The following AAK1 variants were observed in gnomAD, a reference collection of about 807,000 sequenced individuals.
The protein encoded by AAK1 is AP2 associated kinase 1.
AAK1 carries 37 observed loss-of-function variants against 116.0 expected under a neutral mutation model. The observed-to-expected ratio is 0.32, with a 90% CI of 0.25 to 0.42. The LOEUF is 0.42. Ranked by LOEUF, AAK1 falls within the 10% of genes least tolerant of loss-of-function variation. AAK1 has a pLI of 1.00. For missense variants in AAK1, 919 were observed against 1,170.6 expected, an observed-to-expected ratio of 0.79 and a Z score of 3.14; for synonymous variants, 458 against 439.9, an observed-to-expected ratio of 1.04 and a Z score of -0.51.
intron 17 of AAK1, among the ~76,000 whole-genome samples, chr2:69,485,328 CT>C (rs1558899663): frequency 2.0e-5 from 3 of 152,218 alleles, no homozygotes; most frequent in Non-Finnish European, 4.4e-5. Context: ...ATTCTAGCCT[CT>C]CTGGTGACAT....
chr2:69,591,634 A>C (rs1234414925), intron 2 of AAK1, among the ~76,000 whole-genome samples: 2 of 147,532 alleles, frequency 1.4e-5, no homozygotes, highest in Non-Finnish European at 3.0e-5. Flanking sequence ...GCAGTGGCGC[A>C]ATCTCGGCTC....
intron 2 of AAK1, among the ~76,000 whole-genome samples, chr2:69,560,189 T>C (rs1369413135): frequency 1.3e-5 from 2 of 152,248 alleles, no homozygotes; most frequent in African/African-American, 4.8e-5. Context: ...TGTTGGTCAC[T>C]ATCACTGTGT....
chr2:69,509,490 A>C (rs1361257091), intron 13 of AAK1, 30 bp from the exon 14 acceptor site: 1 of 1,540,930 alleles, frequency 6.5e-7, no homozygotes, highest in East Asian at 2.3e-5. Context: ...AAAGTGTTTC[A>C]TTAAATTAAA....
At position 69,518,983 on chromosome 2, in the gene AAK1, A is replaced by G. The variant is rs2104994480; in HGVS notation, c.1468T>C (p.Tyr490His). ...TGAGTCTGGGCCTGCTGCTGCTGGTAAAACGTGCCTGCCGGCTGCTGCTGT... is the reference window on the plus strand; with the variant it reads ...TGAGTCTGGGCCTGCTGCTGCTGGTGAAACGTGCCTGCCGGCTGCTGCTGT... ...PAQQQPAGTF[Y>H]QQQQAQTQQF... is the part of the protein sequence containing the mutation. Residue 490 changes from tyrosine to histidine, a missense_variant, in exon 12 of 22, where the codon TAC (tyrosine) becomes CAC (histidine). Transcript: ENST00000409085. The G allele has an allele frequency of 5.8e-6, 9 of 1,549,424 alleles. No homozygotes were observed. Among genetic ancestry groups the G allele is most frequent in the Middle Eastern group, 2.1e-4 (1 of 4,682 alleles).
chr2:69,569,158 C>T lies in AAK1; in HGVS notation c.164-12180G>A, dbSNP rs547379228. Among the ~76,000 whole-genome samples, 12 of 152,286 alleles carry T rather than the reference C, an allele frequency of 7.9e-5. No homozygotes were observed. In the South Asian group the frequency reaches 2.3e-3, roughly 29 times the overall value. On this transcript the variant is annotated intron_variant, in intron 2 of 21. Transcript: ENST00000409085. Reference sequence around the variant, plus strand: ...TCTTAAAAGCATTCATTAGTCCCTTCGAGCCAGAGGAAAGTCCAAATTCCT... The same window carrying T: ...TCTTAAAAGCATTCATTAGTCCCTTTGAGCCAGAGGAAAGTCCAAATTCCT...
Position 69,465,373 on chromosome 2 carries a change from C to A in AAK1, c.*10496G>T. The A allele has an allele frequency of 8.3e-7, 1 of 1,209,688 alleles. No homozygotes were observed. 74.9% of individuals were successfully genotyped at this position (1,209,688 alleles called of 1,614,324 possible). ...GAAGGCTAAGCTGGGAGTGCCATGG[C>A]GGGTATTGAGGGTGGGATAGAGACA... On this transcript the variant is annotated 3_prime_UTR_variant, in exon 22 of 22. Transcript: ENST00000409085.
chr2:69,562,895 CA>C (rs1671706541), intron 2 of AAK1, among the ~76,000 whole-genome samples: 2 of 151,382 alleles, frequency 1.3e-5, no homozygotes, highest in Non-Finnish European at 2.9e-5. Flanking sequence ...ATCTCAAAAA[CA>C]AAACAAATAA....
At chr2:69,591,450 T>G (rs1673019667) in intron 2 of AAK1, among the ~76,000 whole-genome samples, 1 of 151,942 alleles carries the variant, frequency 6.6e-6, no homozygotes, top group Non-Finnish European at 1.5e-5. Context: ...CATAAAAGAC[T>G]CATAAATCAC....
rs1674746058 is a variant in AAK1, at chr2:69,473,425, A to G, written c.*2444T>C. 2.0e-6 allele frequency: 2 copies of G among 985,346 alleles called. No homozygotes were observed. The highest frequency in any genetic ancestry group is 1.7e-5 in the African/African-American group (1 of 57,254). The allele number at this position is 985,346 out of a possible 1,614,324, so 61.0% of individuals were successfully genotyped here. On this transcript the variant is annotated 3_prime_UTR_variant, in exon 22 of 22. Coordinates refer to ENST00000409085, the MANE Select transcript of AAK1 (RefSeq NM_014911.5). ...GAAGGCTCCGTTTACCAAAGCACTC[A>G]TATGTGTTCCTTAACAGAAAAATAG...
chr2:69,555,598 T>C (rs1311373190), intron 3 of AAK1, among the ~76,000 whole-genome samples: 1 of 152,208 alleles, frequency 6.6e-6, no homozygotes, highest in East Asian at 1.9e-4. Flanking sequence ...GGTGAACATA[T>C]GTATCTGCTA....
chr2:69,498,396 AT>A (rs1424350745), intron 16 of AAK1, among the ~76,000 whole-genome samples: 1 of 151,924 alleles, frequency 6.6e-6, no homozygotes, highest in African/African-American at 2.4e-5. Context: ...TGCCTCTGGC[AT>A]GAGGAGGATG....
At chr2:69,578,728 C>T (rs1558976009) in intron 2 of AAK1, among the ~76,000 whole-genome samples, 1 of 152,074 alleles carries the variant, frequency 6.6e-6, no homozygotes, top group Non-Finnish European at 1.5e-5. Flanking sequence ...TCCCTCTCTA[C>T]TGCCTTTCTC....
chr2:69,495,377 A>G (rs528683095), intron 17 of AAK1, among the ~76,000 whole-genome samples: 1 of 152,330 alleles, frequency 6.6e-6, no homozygotes, highest in East Asian at 1.9e-4. Context: ...TACAAGAGAT[A>G]TTCAAACTCC....
At chr2:69,620,772 A>G (rs150955962) in intron 2 of AAK1, among the ~76,000 whole-genome samples, 86 of 152,280 alleles carry the variant, frequency 5.6e-4, no homozygotes, top group African/African-American at 1.8e-3. Context: ...GCTACCCCTT[A>G]AATGTTGCTA....
chr2:69,598,252 T>G (rs1673394218), intron 2 of AAK1: 7 of 445,188 alleles, frequency 1.6e-5, no homozygotes. Flanking sequence ...AGAGAAGTTT[T>G]TCACAGGTTA....
At position 69,636,072 on chromosome 2, in the gene AAK1, G is replaced by A. The variant is rs1675432938; in HGVS notation, c.163+6806C>T. 2.6e-5 allele frequency among the ~76,000 whole-genome samples: 4 copies of A among 152,266 alleles called. No homozygotes were observed. In the South Asian group the frequency reaches 8.3e-4, roughly 32 times the overall value. On this transcript the variant is annotated intron_variant, in intron 2 of 21. Coordinates refer to ENST00000409085, the MANE Select transcript of AAK1 (RefSeq NM_014911.5). ...ATGTCCACTATTGAGGGCTGATGGG[G>A]TGACATCTTTATAGCACACTGAGAT...
At chr2:69,533,488 C>T (rs1670341707) in intron 5 of AAK1, among the ~76,000 whole-genome samples, 1 of 152,264 alleles carries the variant, frequency 6.6e-6, no homozygotes, top group Non-Finnish European at 1.5e-5. Flanking sequence ...CTAAGAATTA[C>T]ATTAAGTATA....
intron 10 of AAK1, among the ~76,000 whole-genome samples, chr2:69,523,405 G>C (rs974213413): frequency 6.6e-6 from 1 of 152,078 alleles, no homozygotes; most frequent in Non-Finnish European, 1.5e-5. Context: ...CACTACTTTA[G>C]AGGCACATCT....
In AAK1 at chr2:69,643,255, C is replaced by T; in HGVS notation, c.-215G>A. On this transcript the variant is annotated 5_prime_UTR_variant, in exon 2 of 22. Transcript: ENST00000409085. ...GCGGGTCCCCTCCTCCTCCAGAAAG[C>T]GATTCGTGTAAGTTTAAACCTGTGA... 7.1e-7 allele frequency: 1 copy of T among 1,406,948 alleles called. No individual in the cohort carries two copies. The highest frequency in any genetic ancestry group is 9.2e-7 in the Non-Finnish European group (1 of 1,088,816). The allele number at this position is 1,406,948 out of a possible 1,614,324, so 87.2% of individuals were successfully genotyped here. A position where few individuals can be genotyped will look rare whatever the true frequency, so the allele number is the denominator to read the frequency against.
Sources: gnomAD v4.1 joint callset for allele counts (sites outside exome capture counted in the v4.1 genomes callset) on GRCh38, gnomAD v4.1.1 for gene constraint, MANE v1.5 for transcripts, NCBI Gene and HGNC (gene_info 2026-07-23, HGNC 2026-07-21) for gene names.